The following KIAA1217 variants were observed in gnomAD, a reference collection of about 807,000 sequenced individuals.
KIAA1217 encodes the protein sickle tail protein homolog.
In KIAA1217, 88 loss-of-function variants were observed where a neutral mutation model predicts 163.9. The observed-to-expected ratio is 0.54, with a 90% CI of 0.45 to 0.64. The LOEUF is 0.64. Among genes scored for constraint, KIAA1217 ranks in the 30% least tolerant of loss-of-function variants. KIAA1217 has a pLI of 0.00. For missense variants in KIAA1217, 2,372 were observed against 2,475.0 expected (o/e 0.96, Z 0.88); for synonymous variants, 903 against 923.1 (o/e 0.98, Z 0.39).
chr10:24,090,408 G>A (rs1002679333), intron 2 of KIAA1217, among the ~76,000 whole-genome samples: 9 of 126,630 alleles, frequency 7.1e-5, no homozygotes, highest in Non-Finnish European at 1.4e-4. Flanking sequence ...TCAAACTCCC[G>A]GCCTCAAGCA....
chr10:23,969,424 G>A (rs971878533), intron 1 of KIAA1217, among the ~76,000 whole-genome samples: 2 of 152,154 alleles, frequency 1.3e-5, no homozygotes, highest in East Asian at 3.9e-4. Flanking sequence ...ATGCATGAGG[G>A]TTCTAATTTC....
intron 2 of KIAA1217, among the ~76,000 whole-genome samples, chr10:24,263,793 G>A (rs1443962482): frequency 1.3e-5 from 2 of 152,052 alleles, no homozygotes; most frequent in South Asian, 2.1e-4. Flanking sequence ...CCATTGAAAA[G>A]GTTTGGGAGG....
At chr10:23,861,006 G>A (rs553432323) in intron 1 of KIAA1217, among the ~76,000 whole-genome samples, 1 of 151,686 alleles carries the variant, frequency 6.6e-6, no homozygotes, top group African/African-American at 2.4e-5. Flanking sequence ...TCCACCTCCT[G>A]AGCTCCAGCG....
chr10:24,352,900 G>A (rs955663017), intron 2 of KIAA1217, among the ~76,000 whole-genome samples: 3 of 152,096 alleles, frequency 2.0e-5, no homozygotes, highest in African/African-American at 7.2e-5. Context: ...GCTTTATAGG[G>A]GCTTGCAGGT....
chr10:24,219,978 C>A (rs2069356329), intron 2 of KIAA1217, 69 bp downstream of exon 2: 1 of 1,458,552 alleles, frequency 6.9e-7, no homozygotes, highest in Middle Eastern at 1.9e-4. Context: ...AGCAAACTTA[C>A]TTTCTTTGTA....
At chr10:24,417,171 A>C (rs1190885756) in intron 3 of KIAA1217, among the ~76,000 whole-genome samples, 1 of 152,016 alleles carries the variant, frequency 6.6e-6, no homozygotes, top group Non-Finnish European at 1.5e-5. Context: ...AACTGCCCAC[A>C]CAGTCTTTCT....
At chr10:24,258,625 C>T (rs892227524) in intron 2 of KIAA1217, among the ~76,000 whole-genome samples, 1 of 150,660 alleles carries the variant, frequency 6.6e-6, no homozygotes, top group Non-Finnish European at 1.5e-5. Flanking sequence ...CGGAGTCTCG[C>T]TCTGTCACCC....
intron 2 of KIAA1217, among the ~76,000 whole-genome samples, chr10:24,359,361 G>A (rs1413515328): frequency 4.6e-5 from 7 of 152,064 alleles, no homozygotes; most frequent in East Asian, 1.9e-4. Context: ...CCAAAGTGTC[G>A]GGATTACAGG....
chr10:24,218,373 C>A (rs1213344792), intron 1 of KIAA1217, among the ~76,000 whole-genome samples: 2 of 152,118 alleles, frequency 1.3e-5, no homozygotes, highest in Admixed American at 1.3e-4. Flanking sequence ...GGCAGGATGT[C>A]TTAGGTCCAG....
At chr10:23,955,177 A>G (rs1484701999) in intron 1 of KIAA1217, among the ~76,000 whole-genome samples, 3 of 152,198 alleles carry the variant, frequency 2.0e-5, no homozygotes, top group Non-Finnish European at 4.4e-5. Context: ...AGAGGGGGTA[A>G]GCGGCAGAGC....
chr10:24,217,593 A>G (rs1054297864), intron 1 of KIAA1217, among the ~76,000 whole-genome samples: 2 of 152,230 alleles, frequency 1.3e-5, no homozygotes, highest in African/African-American at 4.8e-5. Context: ...ATCTATACCT[A>G]GAGTTCTATA....
chr10:23,715,783 A>G (rs1837532158), intron 1 of KIAA1217, among the ~76,000 whole-genome samples: 3 of 152,196 alleles, frequency 2.0e-5, no homozygotes, highest in African/African-American at 7.2e-5. Flanking sequence ...TAAAAATTAA[A>G]CTTGCCCGTG....
intron 1 of KIAA1217, among the ~76,000 whole-genome samples, chr10:23,738,134 G>A (rs908904077): frequency 1.3e-5 from 2 of 151,986 alleles, no homozygotes; most frequent in African/African-American, 4.8e-5. Context: ...GAAAAGTATA[G>A]TTGATTTTTC....
chr10:24,300,461 A>G (rs1432682976), intron 2 of KIAA1217, among the ~76,000 whole-genome samples: 1 of 152,154 alleles, frequency 6.6e-6, no homozygotes, highest in African/African-American at 2.4e-5. Context: ...TCTTGAATTG[A>G]GTAGTATAAA....
intron 2 of KIAA1217, among the ~76,000 whole-genome samples, chr10:24,222,203 A>C (rs73604458): frequency 0.058 from 8,798 of 152,250 alleles, 835 homozygotes; most frequent in African/African-American, 0.2. Flanking sequence ...GGTGTTCTCA[A>C]GCTCTGATCT....
At chr10:24,033,488 T>A (rs1260973957) in intron 2 of KIAA1217, among the ~76,000 whole-genome samples, 1 of 152,190 alleles carries the variant, frequency 6.6e-6, no homozygotes, top group Non-Finnish European at 1.5e-5. Flanking sequence ...CCCACTGTGT[T>A]TTATAATTAA....
rs1165152544 is a variant in KIAA1217, at chr10:24,186,757, G to C, written c.-170-32869G>C. ...AATGCAAAAATTAGCCAGCATGGTG[G>C]TGAGTGCCTGTAATCCCAGCTATCA... On this transcript the variant is annotated intron_variant, in intron 2 of 18. Transcript: ENST00000376462. 2.6e-5 allele frequency among the ~76,000 whole-genome samples: 4 copies of C among 152,218 alleles called. No homozygotes were observed. In the East Asian group the frequency reaches 7.7e-4, roughly 29 times the overall value.
chr10:23,976,245 G>A (rs745939809), intron 1 of KIAA1217, among the ~76,000 whole-genome samples: 2 of 152,170 alleles, frequency 1.3e-5, no homozygotes, highest in Non-Finnish European at 2.9e-5. Flanking sequence ...CAAGCAGCCT[G>A]TTGCAAAACT....
At chr10:24,024,464 G>A (rs531925244) in intron 2 of KIAA1217, among the ~76,000 whole-genome samples, 25 of 151,480 alleles carry the variant, frequency 1.7e-4, no homozygotes, top group Non-Finnish European at 2.4e-4. Context: ...TTTTATCCAC[G>A]CAGTAGTTGA....
Sources: gnomAD v4.1 joint callset for allele counts (sites outside exome capture counted in the v4.1 genomes callset) on GRCh38, gnomAD v4.1.1 for gene constraint, MANE v1.5 for transcripts, NCBI Gene and HGNC (gene_info 2026-07-23, HGNC 2026-07-21) for gene names.